The following RSRC1 variants were observed in gnomAD, a reference collection of about 807,000 sequenced individuals.
RSRC1 encodes arginine and serine rich coiled-coil 1.
A neutral mutation model predicts 49.1 loss-of-function variants in RSRC1; 39 were observed. That is an observed-to-expected ratio of 0.79 (90% CI 0.61 to 1.04). The LOEUF (loss-of-function observed/expected upper bound fraction) is 1.04. RSRC1 is among the 50% of genes least tolerant of loss of function. The pLI is 0.00. For missense variants in RSRC1, 388 were observed against 402.4 expected (o/e 0.96, Z 0.31); for synonymous variants, 143 against 130.8 (o/e 1.09, Z -0.63).
At chr3:158,414,506 C>T (rs1393126770) in intron 6 of RSRC1, among the ~76,000 whole-genome samples, 1 of 152,076 alleles carries the variant, frequency 6.6e-6, no homozygotes, top group African/African-American at 2.4e-5. Context: ...CACATGTTTA[C>T]CTGTGTAACA....
intron 5 of RSRC1, among the ~76,000 whole-genome samples, chr3:158,320,178 C>CT (rs1295752320): frequency 3.9e-5 from 6 of 152,256 alleles, no homozygotes; most frequent in Admixed American, 3.3e-4. Flanking sequence ...AGGAATAAGA[C>CT]TTATCTTAGG....
At chr3:158,512,043 C>T (rs946007239) in intron 7 of RSRC1, among the ~76,000 whole-genome samples, 4 of 144,478 alleles carry the variant, frequency 2.8e-5, no homozygotes, top group East Asian at 2.0e-4. Context: ...GAGTAGGTTG[C>T]GAAAATTTTC....
At chr3:158,115,341 C>T (rs932962382) in intron 1 of RSRC1, among the ~76,000 whole-genome samples, 5 of 151,954 alleles carry the variant, frequency 3.3e-5, no homozygotes, top group African/African-American at 1.2e-4. Flanking sequence ...TGTGTCCCTT[C>T]CTTTTTTTCT....
intron 4 of RSRC1, among the ~76,000 whole-genome samples, chr3:158,222,622 A>G (rs1030832541): frequency 2.6e-5 from 4 of 151,540 alleles, no homozygotes; most frequent in Non-Finnish European, 5.9e-5. Flanking sequence ...CCCACCCCTT[A>G]TATTTCCAAA....
intron 7 of RSRC1, among the ~76,000 whole-genome samples, chr3:158,506,070 A>G (rs537133783): frequency 1.3e-5 from 2 of 152,332 alleles, no homozygotes; most frequent in African/African-American, 4.8e-5. Flanking sequence ...CCTCAAAAAC[A>G]CAGACAACAG....
chr3:158,325,058 T>C (rs1227635504), intron 5 of RSRC1, among the ~76,000 whole-genome samples: 1 of 152,218 alleles, frequency 6.6e-6, no homozygotes, highest in Non-Finnish European at 1.5e-5. Context: ...TCATATCCTT[T>C]GCCCACTTGT....
At chr3:158,231,137 CTTTTTTTTTT>C (rs35368661) in intron 4 of RSRC1, among the ~76,000 whole-genome samples, 11 of 67,960 alleles carry the variant, frequency 1.6e-4, no homozygotes, top group East Asian at 1.1e-3. Flanking sequence ...TAGTCGTTAG[CTTTTTTTTTT>C]TTTTTTTTTT....
chr3:158,378,694 C>T (rs1003008789), intron 6 of RSRC1, among the ~76,000 whole-genome samples: 3 of 152,178 alleles, frequency 2.0e-5, no homozygotes, highest in African/African-American at 7.2e-5. Flanking sequence ...TTCTCTGATT[C>T]TCTCTTTTCT....
intron 4 of RSRC1, among the ~76,000 whole-genome samples, chr3:158,245,285 G>T (rs1216803585): frequency 6.6e-6 from 1 of 151,966 alleles, no homozygotes; most frequent in African/African-American, 2.4e-5. Context: ...ATGTACTCAA[G>T]AGTCATTTAG....
At chr3:158,201,689 A>T (rs1721055992) in intron 3 of RSRC1, among the ~76,000 whole-genome samples, 1 of 152,122 alleles carries the variant, frequency 6.6e-6, no homozygotes, top group Non-Finnish European at 1.5e-5. Flanking sequence ...TCAATTACAG[A>T]ATTTTTTTTC....
chr3:158,523,818 A>G (rs4522814), intron 7 of RSRC1, among the ~76,000 whole-genome samples: 30,406 of 151,928 alleles, frequency 0.2, 3,708 homozygotes, highest in African/African-American at 0.35. Context: ...CTCTCTGGTG[A>G]AGCTTTCCCA....
At chr3:158,419,660 T>C (rs892472808) in intron 6 of RSRC1, among the ~76,000 whole-genome samples, 1 of 151,916 alleles carries the variant, frequency 6.6e-6, no homozygotes, top group Non-Finnish European at 1.5e-5. Flanking sequence ...GCCTCATACA[T>C]AGGTAGAACA....
At chr3:158,378,428 T>G (rs1732499388) in intron 6 of RSRC1, among the ~76,000 whole-genome samples, 1 of 152,252 alleles carries the variant, frequency 6.6e-6, no homozygotes, top group East Asian at 1.9e-4. Context: ...GATTGTATCT[T>G]AGACATTGTG....
intron 3 of RSRC1, among the ~76,000 whole-genome samples, chr3:158,151,556 G>T (rs1476059955): frequency 1.3e-5 from 2 of 152,128 alleles, no homozygotes; most frequent in African/African-American, 4.8e-5. Flanking sequence ...GATATGTTCA[G>T]CTTAAAATGT....
chr3:158,116,218 T>C (rs1714806524), intron 1 of RSRC1, among the ~76,000 whole-genome samples: 1 of 152,208 alleles, frequency 6.6e-6, no homozygotes, highest in Non-Finnish European at 1.5e-5. Context: ...TCATCAGCAA[T>C]GAATACTCTT....
At chr3:158,522,892 C>T (rs1048183776) in intron 7 of RSRC1, among the ~76,000 whole-genome samples, 1 of 151,976 alleles carries the variant, frequency 6.6e-6, no homozygotes, top group Non-Finnish European at 1.5e-5. Flanking sequence ...CACCTGAATA[C>T]ATTTTCCAGC....
At chr3:158,520,812 G>C (rs1043857147) in intron 7 of RSRC1, among the ~76,000 whole-genome samples, 13 of 152,142 alleles carry the variant, frequency 8.5e-5, no homozygotes, top group Non-Finnish European at 1.3e-4. Flanking sequence ...ACCTAGAAGT[G>C]TGTTATGCAT....
chr3:158,323,975 A>G (rs1728916910), intron 5 of RSRC1, among the ~76,000 whole-genome samples: 1 of 152,104 alleles, frequency 6.6e-6, no homozygotes, highest in Non-Finnish European at 1.5e-5. Flanking sequence ...AATCAACAGT[A>G]TGATCTAAAT....
chr3:158,412,014 T>G (rs9847045), intron 6 of RSRC1, among the ~76,000 whole-genome samples: 79,054 of 151,964 alleles, frequency 0.52, 21,014 homozygotes, highest in African/African-American at 0.61. Context: ...AAGCCATTGA[T>G]ATCTTTGTTA....
Sources: allele counts gnomAD v4.1 joint callset (sites outside exome capture counted in the v4.1 genomes callset), GRCh38; gene constraint gnomAD v4.1.1; transcripts MANE v1.5; gene names NCBI Gene and HGNC (gene_info 2026-07-23, HGNC 2026-07-21).